The following AGBL1 variants were observed in gnomAD, a reference collection of about 807,000 sequenced individuals.
AGBL1 encodes the protein cytosolic carboxypeptidase 4.
A neutral mutation model predicts 118.9 loss-of-function variants in AGBL1; 130 were observed. The ratio of observed to expected loss-of-function variants is 1.09; its 90% CI spans 0.95 to 1.26. The LOEUF is 1.26. Ranked by LOEUF, AGBL1 falls within the 50% of genes most tolerant of loss-of-function variation. The pLI is 0.00. For synonymous variants in AGBL1, 555 were observed against 478.9 expected, an observed-to-expected ratio of 1.16 and a Z score of -2.08; for missense variants, 1,584 against 1,298.1, an observed-to-expected ratio of 1.22 and a Z score of -3.38.
intron 18 of AGBL1, among the ~76,000 whole-genome samples, chr15:86,454,691 G>A (rs952086095): frequency 1.3e-5 from 2 of 152,074 alleles, no homozygotes; most frequent in African/African-American, 4.8e-5. Context: ...TTCTTTAATA[G>A]ACAAAACTAA....
At chr15:86,659,398 G>A in intron 21 of AGBL1, among the ~76,000 whole-genome samples, 1 of 152,176 alleles carries the variant, frequency 6.6e-6, no homozygotes, top group Non-Finnish European at 1.5e-5. Flanking sequence ...CCCTGCCAAA[G>A]GTGAGGACTC....
intron 17 of AGBL1, among the ~76,000 whole-genome samples, chr15:86,311,024 C>G (rs2079912496): frequency 6.6e-6 from 1 of 152,184 alleles, no homozygotes. Context: ...CGCTTCACTC[C>G]TGGTTCCCTG....
At position 86,750,222 on chromosome 15, in the gene AGBL1, C is replaced by T. The variant is rs79012973; in HGVS notation, c.3158+75786C>T. Among the ~76,000 whole-genome samples the T allele has an allele frequency of 5.6e-3, 852 of 152,068 alleles. 39 individuals are homozygous for T. In the East Asian group the frequency reaches 0.11, roughly 20 times the overall value. On this transcript the variant is annotated intron_variant, in intron 22 of 22. Coordinates refer to ENST00000614907, the MANE Select transcript of AGBL1 (RefSeq NM_001386094.1). ...AATTATTATTAATACCAAAAGGAGT[C>T]ATTCAACAATGTTGTTTTGTACTTT...
At chr15:86,154,830 A>G (rs187024938) in intron 4 of AGBL1, among the ~76,000 whole-genome samples, 133 of 152,154 alleles carry the variant, frequency 8.7e-4, no homozygotes, top group African/African-American at 3.0e-3. Flanking sequence ...ACATTACAGC[A>G]TTGTAGGCTT....
chr15:86,454,653 A>G (rs183697581), intron 18 of AGBL1, among the ~76,000 whole-genome samples: 170 of 152,342 alleles, frequency 1.1e-3, no homozygotes, highest in Non-Finnish European at 1.7e-3. Flanking sequence ...TAAAAAGAGT[A>G]CACACTGAAT....
At chr15:86,173,435 T>C (rs1414800901) in intron 5 of AGBL1, among the ~76,000 whole-genome samples, 1 of 152,160 alleles carries the variant, frequency 6.6e-6, no homozygotes, top group African/African-American at 2.4e-5. Context: ...GTGCAGAAGC[T>C]TTTTCGTTTA....
chr15:86,605,688 G>A (rs999360858), intron 21 of AGBL1, among the ~76,000 whole-genome samples: 5 of 152,114 alleles, frequency 3.3e-5, no homozygotes, highest in Admixed American at 6.6e-5. Context: ...GTTGAAGCCA[G>A]GTTTTGATTT....
At chr15:86,503,782 G>T (rs866011616) in intron 18 of AGBL1, among the ~76,000 whole-genome samples, 14 of 151,216 alleles carry the variant, frequency 9.3e-5, no homozygotes, top group Admixed American at 5.3e-4. Context: ...TTTTGGTTTT[G>T]GTCAAATAAT....
chr15:86,874,183 C>G (rs1033350873), intron 22 of AGBL1, among the ~76,000 whole-genome samples: 1 of 151,718 alleles, frequency 6.6e-6, no homozygotes, highest in Non-Finnish European at 1.5e-5. Flanking sequence ...TATGGAGAGC[C>G]AAAATTATGT....
intron 17 of AGBL1, among the ~76,000 whole-genome samples, chr15:86,391,579 A>G (rs2081285782): frequency 7.0e-6 from 1 of 142,078 alleles, no homozygotes; most frequent in African/African-American, 2.7e-5. Context: ...TAATCCCACT[A>G]TCTAATTCTT....
intron 17 of AGBL1, among the ~76,000 whole-genome samples, chr15:86,375,144 T>C (rs1178689622): frequency 1.3e-5 from 2 of 152,134 alleles, no homozygotes; most frequent in Non-Finnish European, 2.9e-5. Context: ...TATTTGGGCA[T>C]GGGTTTGCTT....
At chr15:86,474,650 C>T (rs113287426) in intron 18 of AGBL1, among the ~76,000 whole-genome samples, 1 of 152,256 alleles carries the variant, frequency 6.6e-6, no homozygotes, top group Non-Finnish European at 1.5e-5. Flanking sequence ...CCTCTGGGGG[C>T]AGGGCATAGC....
At chr15:86,680,815 C>T (rs1351978736) in intron 22 of AGBL1, among the ~76,000 whole-genome samples, 2 of 151,994 alleles carry the variant, frequency 1.3e-5, no homozygotes, top group African/African-American at 4.8e-5. Context: ...GATCCACCCA[C>T]CTCAGCCTCC....
At chr15:86,572,934 T>C (rs1454927435) in intron 21 of AGBL1, among the ~76,000 whole-genome samples, 1 of 152,258 alleles carries the variant, frequency 6.6e-6, no homozygotes, top group Non-Finnish European at 1.5e-5. Flanking sequence ...TGCAATCTAA[T>C]AGAGCAGCCT....
intron 18 of AGBL1, among the ~76,000 whole-genome samples, chr15:86,477,642 C>T (rs1318880474): frequency 1.3e-5 from 2 of 152,182 alleles, no homozygotes; most frequent in Admixed American, 6.5e-5. Flanking sequence ...CAGCCAAATT[C>T]TACCAGAGGT....
At chr15:86,302,649 C>T (rs562464255) in intron 17 of AGBL1, among the ~76,000 whole-genome samples, 6 of 151,810 alleles carry the variant, frequency 4.0e-5, no homozygotes, top group African/African-American at 1.4e-4. Context: ...TGTGGTGGCA[C>T]GCACCTGTAC....
intron 22 of AGBL1, among the ~76,000 whole-genome samples, chr15:86,796,307 T>A (rs1340539808): frequency 1.3e-5 from 2 of 152,208 alleles, no homozygotes; most frequent in African/African-American, 2.4e-5. Context: ...TTGAACATAA[T>A]ACACTCTGTC....
intron 17 of AGBL1, among the ~76,000 whole-genome samples, chr15:86,308,318 G>C (rs1161142927): frequency 6.6e-6 from 1 of 152,058 alleles, no homozygotes; most frequent in Non-Finnish European, 1.5e-5. Flanking sequence ...GTGGGGCCCT[G>C]ATGATACTAG....
intron 22 of AGBL1, among the ~76,000 whole-genome samples, chr15:86,693,370 TC>T (rs2086204705): frequency 6.6e-6 from 1 of 152,228 alleles, no homozygotes; most frequent in Non-Finnish European, 1.5e-5. Context: ...AAGCATTTTT[TC>T]ATATGTTTGT....
Sources: gnomAD v4.1 joint callset for allele counts (sites outside exome capture counted in the v4.1 genomes callset) on GRCh38, gnomAD v4.1.1 for gene constraint, MANE v1.5 for transcripts, NCBI Gene and HGNC (gene_info 2026-07-23, HGNC 2026-07-21) for gene names.